Variants in BPHL observed in about 807,000 individuals in gnomAD.
BPHL encodes the protein serine hydrolase BPHL.
In BPHL, 27 loss-of-function variants were observed where a neutral mutation model predicts 31.2. That is an observed-to-expected ratio of 0.87 (90% CI 0.64 to 1.19). The LOEUF is 1.19. BPHL is among the 50% of genes most tolerant of loss of function. The pLI, the probability that BPHL is intolerant of heterozygous loss-of-function variation, is 0.00. For missense variants in BPHL, 356 were observed against 375.7 expected (o/e 0.95, Z 0.43); for synonymous variants, 150 against 146.8 (o/e 1.02, Z -0.16).
intron 4 of BPHL, among the ~76,000 whole-genome samples, chr6:3,130,702 A>G (rs150041387): frequency 8.7e-4 from 132 of 152,334 alleles, no homozygotes; most frequent in Non-Finnish European, 1.4e-3. Context: ...GGCCCTTTAC[A>G]TAAAAGGTGT....
At chr6:3,125,006 G>A (rs1761677169) in intron 2 of BPHL, among the ~76,000 whole-genome samples, 2 of 151,744 alleles carry the variant, frequency 1.3e-5, no homozygotes, top group Admixed American at 1.3e-4. Flanking sequence ...CCATTATTTC[G>A]GTATTGCAGT....
At chr6:3,123,039 C>T (rs1021255044) in intron 1 of BPHL, among the ~76,000 whole-genome samples, 9 of 152,234 alleles carry the variant, frequency 5.9e-5, no homozygotes, top group Admixed American at 2.0e-4. Context: ...GCTTCCAGCT[C>T]ACCGGCGTGT....
At chr6:3,119,072 C>T (rs1419124666) in intron 1 of BPHL, among the ~76,000 whole-genome samples, 1 of 152,208 alleles carries the variant, frequency 6.6e-6, no homozygotes. Context: ...AGCCTCAGTT[C>T]AAGGAGTCTG....
chr6:3,145,200 G>A (rs1190449461), intron 6 of BPHL, among the ~76,000 whole-genome samples: 4 of 87,986 alleles, frequency 4.5e-5, no homozygotes, highest in African/African-American at 4.3e-5. Context: ...GTGCTGGTTC[G>A]GGGTGGAGTG....
At chr6:3,143,529 C>T (rs1762234750) in intron 6 of BPHL, among the ~76,000 whole-genome samples, 1 of 152,214 alleles carries the variant, frequency 6.6e-6, no homozygotes, top group African/African-American at 2.4e-5. Context: ...TGAAGCCCTT[C>T]CTCTAACAAG....
At chr6:3,122,292 A>C (rs538863790) in intron 1 of BPHL, among the ~76,000 whole-genome samples, 1 of 152,096 alleles carries the variant, frequency 6.6e-6, no homozygotes, top group South Asian at 2.1e-4. Flanking sequence ...AAAATAAATA[A>C]ATAAAAATAA....
At position 3,127,423 on chromosome 6, in the gene BPHL, GA is replaced by G; in HGVS notation, c.378+17del. The G allele has an allele frequency of 6.4e-7, 1 of 1,573,790 alleles. No individual in the cohort carries two copies. The highest frequency in any genetic ancestry group is 8.7e-7 in the Non-Finnish European group (1 of 1,154,400). On this transcript the variant is annotated intron_variant, in intron 3 of 6. Transcript: ENST00000380379. ...ATTTGATGAAGGTAGGTCTCTGAGG[GA>G]AGGGCCAGGGGAGGAAGGGTGGCTG...
chr6:3,137,935 A>T, intron 5 of BPHL: 3 of 1,211,090 alleles, frequency 2.5e-6, no homozygotes, highest in Non-Finnish European at 3.3e-6. Context: ...ATCTCAACGG[A>T]ATTAATATGA....
At chr6:3,129,996 G>A (rs1406447782) in intron 4 of BPHL, among the ~76,000 whole-genome samples, 2 of 151,966 alleles carry the variant, frequency 1.3e-5, no homozygotes, top group East Asian at 1.9e-4. Context: ...TAGTAAAGAC[G>A]GGGTTTCTCC....
At chr6:3,119,190 G>A (rs1761488700) in intron 1 of BPHL, 1 of 1,183,332 alleles carries the variant, frequency 8.5e-7, no homozygotes, top group East Asian at 2.6e-5. Flanking sequence ...GACGGAGCAC[G>A]GACTAGAATC....
At chr6:3,122,187 G>T (rs1761594883) in intron 1 of BPHL, among the ~76,000 whole-genome samples, 1 of 152,220 alleles carries the variant, frequency 6.6e-6, no homozygotes, top group African/African-American at 2.4e-5. Context: ...GGCTGAGGCA[G>T]GAGAATGGTG....
At chr6:3,125,469 A>G (rs9501925) in intron 2 of BPHL, among the ~76,000 whole-genome samples, 28,324 of 152,086 alleles carry the variant, frequency 0.19, 7,543 homozygotes, top group African/African-American at 0.59. Context: ...GGCCTCTCAG[A>G]TGTTACATGC....
chr6:3,152,672 T>C lies in BPHL; in HGVS notation c.*97T>C. On this transcript the variant is annotated 3_prime_UTR_variant, in exon 7 of 7. Coordinates refer to ENST00000380379, the MANE Select transcript of BPHL (RefSeq NM_004332.4). Reference sequence around the variant, plus strand: ...CTTTGAAACTCTCCGCCTTTGAAACTTTCTACCCCTCCCTTCAATCTTATC... The same window carrying C: ...CTTTGAAACTCTCCGCCTTTGAAACCTTCTACCCCTCCCTTCAATCTTATC... 9.6e-7 allele frequency: 1 copy of C among 1,043,760 alleles called. No homozygotes were observed. The highest frequency in any genetic ancestry group is 1.4e-6 in the Non-Finnish European group (1 of 699,798). 64.7% of individuals were successfully genotyped at this position (1,043,760 alleles called of 1,614,324 possible).
At chr6:3,142,162 A>G (rs1218768627) in intron 6 of BPHL, among the ~76,000 whole-genome samples, 1 of 151,492 alleles carries the variant, frequency 6.6e-6, no homozygotes, top group Non-Finnish European at 1.5e-5. Context: ...CTTGTTGCCC[A>G]AGCTGAAGTG....
At chr6:3,134,603 ATTTT>A (rs556567574) in intron 4 of BPHL, among the ~76,000 whole-genome samples, 3 of 127,624 alleles carry the variant, frequency 2.4e-5, no homozygotes. Context: ...CACCTGGCTA[ATTTT>A]TTTTTTTTTT....
intron 2 of BPHL, among the ~76,000 whole-genome samples, chr6:3,125,623 C>T (rs1440655823): frequency 6.6e-6 from 1 of 152,122 alleles, no homozygotes; most frequent in Non-Finnish European, 1.5e-5. Context: ...TTTTTCCCAT[C>T]TTCTCACCTC....
intron 3 of BPHL, among the ~76,000 whole-genome samples, 190 bp from the exon 4 acceptor site, chr6:3,128,855 G>A (rs751697250): frequency 6.6e-6 from 1 of 152,180 alleles, no homozygotes; most frequent in Non-Finnish European, 1.5e-5. Flanking sequence ...TCAGGTTTTT[G>A]TGACAATTTC....
chr6:3,140,231 T>C lies in BPHL; in HGVS notation c.665-155T>C. The C allele has an allele frequency of 2.2e-6, 2 of 893,050 alleles. No homozygotes were observed. Among genetic ancestry groups the C allele is most frequent in the Non-Finnish European group, 1.7e-6 (1 of 603,556 alleles). The allele number at this position is 893,050 out of a possible 1,614,324, so 55.3% of individuals were successfully genotyped here. On this transcript the variant is annotated intron_variant, in intron 5 of 6. Coordinates refer to ENST00000380379, the MANE Select transcript of BPHL (RefSeq NM_004332.4). This position sits in a 1 kb window ranked among gnomAD's most constrained non-coding sequence, Gnocchi z 5.2. ...AAGGGAACCCAAAGAATGTTAGAGC[T>C]GGAAGGAATCCCAGGCACGGTCAAA...
chr6:3,152,499 T>C lies in BPHL; in HGVS notation c.800T>C (p.Met267Thr). 6.2e-7 allele frequency: 1 copy of C among 1,613,452 alleles called. No individual in the cohort carries two copies. Among genetic ancestry groups the C allele is most frequent in the Non-Finnish European group, 8.5e-7 (1 of 1,179,722 alleles). Residue 267 changes from methionine (M) to threonine (T), a missense_variant, in exon 7 of 7, where the codon ATG (methionine) becomes ACG (threonine). Physicochemically the swap from Met to Thr is moderately conservative, Grantham distance 81 (BLOSUM62 -1). Transcript: ENST00000380379. ...AATTCCTTTTTTAGGCTGCATTTGATGCCAGAAGGCAAACACAACCTGCAT... is the reference window on the plus strand; with the variant it reads ...AATTCCTTTTTTAGGCTGCATTTGACGCCAGAAGGCAAACACAACCTGCAT... ...KHVKGSRLHL[M>T]PEGKHNLHLR...
Sources: gnomAD v4.1 joint callset for allele counts (sites outside exome capture counted in the v4.1 genomes callset) on GRCh38, gnomAD v4.1.1 for gene constraint, Gnocchi (gnomAD v3.1) non-coding constraint, MANE v1.5 for transcripts, NCBI Gene and HGNC (gene_info 2026-07-23, HGNC 2026-07-21) for gene names.